Variants in CLEC6A observed in about 807,000 individuals in gnomAD.
CLEC6A encodes C-type lectin domain containing 6A.
CLEC6A carries 22 observed loss-of-function variants against 25.7 expected under a neutral mutation model. The observed-to-expected ratio is 0.85, with a 90% CI of 0.61 to 1.22. CLEC6A has a LOEUF of 1.22. Among genes scored for constraint, CLEC6A ranks in the 50% most tolerant of loss-of-function variants. The pLI, the probability that CLEC6A is intolerant of heterozygous loss-of-function variation, is 0.00. For missense variants in CLEC6A, 240 were observed against 236.8 expected, an observed-to-expected ratio of 1.01 and a Z score of -0.09; for synonymous variants, 92 against 76.7, an observed-to-expected ratio of 1.20 and a Z score of -1.04.
chr12:8,456,947 TA>T (rs1337053931), intron 1 of CLEC6A, among the ~76,000 whole-genome samples: 1 of 152,058 alleles, frequency 6.6e-6, no homozygotes, highest in South Asian at 2.1e-4. Context: ...CCGTCTCTAA[TA>T]AAAAGACAAA....
intron 3 of CLEC6A, among the ~76,000 whole-genome samples, chr12:8,464,897 G>A (rs1191220331): frequency 1.3e-5 from 2 of 152,154 alleles, no homozygotes; most frequent in African/African-American, 4.8e-5. Context: ...ATTATTCTAT[G>A]TTAAGCACCT....
chr12:8,457,272 C>T (rs1565480958), intron 1 of CLEC6A, among the ~76,000 whole-genome samples: 1 of 152,176 alleles, frequency 6.6e-6, no homozygotes, highest in Non-Finnish European at 1.5e-5. Context: ...CTATTCACTA[C>T]CTCCATGAGA....
chr12:8,470,649 G>T (rs1016843396), intron 4 of CLEC6A, among the ~76,000 whole-genome samples: 2 of 152,078 alleles, frequency 1.3e-5, no homozygotes, highest in African/African-American at 4.8e-5. Context: ...ACTCAGGAAT[G>T]GAAAACCAAA....
chr12:8,459,749 C>A, intron 3 of CLEC6A, 51 bp downstream of exon 3: 2 of 1,129,544 alleles, frequency 1.8e-6, no homozygotes, highest in South Asian at 1.2e-5. Context: ...AGGGAGAGAT[C>A]AGGGTTGAGC....
Position 8,456,054 on chromosome 12 carries a change from C to T in CLEC6A, c.-58C>T. 1.3e-6 allele frequency: 2 copies of T among 1,574,952 alleles called. No individual in the cohort carries two copies. On this transcript the variant is annotated 5_prime_UTR_variant, in exon 1 of 6. Transcript: ENST00000382073. ...ATGAAGCTGAGTCTCTGGGCAACAT[C>T]TTTAGGGAGAGAGGTACAAAAGGTT... is the stretch of plus-strand genomic sequence containing the variant.
At chr12:8,464,320 T>G (rs1168133995) in intron 3 of CLEC6A, among the ~76,000 whole-genome samples, 1 of 56,514 alleles carries the variant, frequency 1.8e-5, no homozygotes, top group African/African-American at 4.8e-5. Flanking sequence ...CTGTTTAAAA[T>G]TTCTTTCTTT....
At chr12:8,473,699 T>C (rs1939936131) in intron 4 of CLEC6A, among the ~76,000 whole-genome samples, 1 of 152,202 alleles carries the variant, frequency 6.6e-6, no homozygotes, top group African/African-American at 2.4e-5. Flanking sequence ...ACCAGCAATG[T>C]ATGTAAGTGT....
intron 3 of CLEC6A, among the ~76,000 whole-genome samples, chr12:8,461,514 CT>C (rs1269243711): frequency 6.6e-6 from 1 of 152,130 alleles, no homozygotes; most frequent in Non-Finnish European, 1.5e-5. Context: ...CATTTGCCCC[CT>C]AAGTATATCC....
At chr12:8,458,071 G>T in intron 2 of CLEC6A, 84 bp downstream of exon 2, 1 of 934,998 alleles carries the variant, frequency 1.1e-6, no homozygotes, top group Non-Finnish European at 1.7e-6. Context: ...ATTCTCCTTT[G>T]CCCCATTAAT....
At chr12:8,461,613 A>G (rs921486768) in intron 3 of CLEC6A, among the ~76,000 whole-genome samples, 5 of 152,258 alleles carry the variant, frequency 3.3e-5, no homozygotes, top group African/African-American at 1.2e-4. Flanking sequence ...TTTGTATAAT[A>G]CCATGTCAGC....
chr12:8,462,928 A>G (rs1245382327), intron 3 of CLEC6A, among the ~76,000 whole-genome samples: 2 of 152,220 alleles, frequency 1.3e-5, no homozygotes, highest in Non-Finnish European at 2.9e-5. Flanking sequence ...TTATCATGCT[A>G]TAGAAGCAAA....
At chr12:8,458,416 A>G (rs1273581368) in intron 2 of CLEC6A, among the ~76,000 whole-genome samples, 1 of 152,236 alleles carries the variant, frequency 6.6e-6, no homozygotes, top group African/African-American at 2.4e-5. Context: ...AGGAAAAAGT[A>G]TTCAAATGAA....
intron 4 of CLEC6A, among the ~76,000 whole-genome samples, chr12:8,473,768 T>C (rs1211411739): frequency 6.6e-6 from 1 of 152,210 alleles, no homozygotes; most frequent in Non-Finnish European, 1.5e-5. Flanking sequence ...GTAATAGCCA[T>C]ACTGACTGCT....
At position 8,465,628 on chromosome 12, in the gene CLEC6A, A is replaced by G; in HGVS notation, c.368A>G (p.Gln123Arg). The G allele has an allele frequency of 6.2e-7, 1 of 1,605,100 alleles. No individual in the cohort carries two copies. The highest frequency in any genetic ancestry group is 8.5e-7 in the Non-Finnish European group (1 of 1,176,644). The change falls in exon 4 of 6, where the codon CAG becomes CGG. Residue 123 changes from glutamine (Q) to arginine (R), a missense_variant and splice_region_variant. Gln to Arg is a conservative substitution (Grantham distance 43). Coordinates refer to ENST00000382073, the MANE Select transcript of CLEC6A (RefSeq NM_001007033.2). ...GTTGTGTTCAACACAGAAGCAGAGC[A>G]GGTACTGTTTCCATTTAAAATTTAT... ...HLVVFNTEAE[Q>R]NFIVQQLNES...
intron 3 of CLEC6A, chr12:8,460,991 C>T: frequency 8.2e-7 from 1 of 1,224,624 alleles, no homozygotes; most frequent in Non-Finnish European, 1.2e-6. Flanking sequence ...GGTGAAGATT[C>T]CACATAAAAA....
chr12:8,457,913 T>C lies in CLEC6A; in HGVS notation c.47T>C (p.Leu16Ser), dbSNP rs772564275. ...GATTGGACAGAGAAAAGAGGCTGGT[T>C]GTCCCTGAGACTCTGGTCTGTGGCT... is the stretch of plus-strand genomic sequence containing the variant. ...QPQSTEKRGW[L>S]SLRLWSVAGI... Residue 16 changes from leucine (L) to serine (S), a missense_variant, in exon 2 of 6, where the codon TTG becomes TCG. Transcript: ENST00000382073. 6 of 1,613,908 alleles carry C rather than the reference T, an allele frequency of 3.7e-6. No individual in the cohort carries two copies. The highest frequency in any genetic ancestry group is 5.1e-6 in the Non-Finnish European group (6 of 1,179,796).
At chr12:8,458,989 C>A (rs985611727) in intron 2 of CLEC6A, among the ~76,000 whole-genome samples, 2 of 152,090 alleles carry the variant, frequency 1.3e-5, no homozygotes, top group African/African-American at 4.8e-5. Flanking sequence ...TTTAAAGTTT[C>A]CCCTTGGTGG....
chr12:8,476,232 A>G lies in CLEC6A; in HGVS notation c.477A>G (p.Lys159=), dbSNP rs1939972823. Residue 159 remains lysine (K), a synonymous_variant, in exon 5 of 6, where the codon AAA becomes AAG. Transcript: ENST00000382073. ...GGATTGATAAGACACCTTATGAGAAAAATGTCAGGTGAGTGCAGTTCTGGG... is the reference window on the plus strand; with the variant it reads ...GGATTGATAAGACACCTTATGAGAAGAATGTCAGGTGAGTGCAGTTCTGGG... ...WQWIDKTPYE[K]NVRFWHLGEP... is the part of the protein sequence containing the mutation. 2.5e-6 allele frequency: 4 copies of G among 1,591,494 alleles called. No homozygotes were observed. Among genetic ancestry groups the G allele is most frequent in the Non-Finnish European group, 3.4e-6 (4 of 1,166,514 alleles).
intron 2 of CLEC6A, 121 bp from the exon 3 acceptor site, chr12:8,459,476 T>C (rs957316374): frequency 6.6e-6 from 4 of 608,158 alleles, no homozygotes; most frequent in Admixed American, 2.4e-5. Flanking sequence ...ATGGTTTTTA[T>C]GGGGCTTGCC....
Sources: allele counts gnomAD v4.1 joint callset (sites outside exome capture counted in the v4.1 genomes callset), GRCh38; gene constraint gnomAD v4.1.1; transcripts MANE v1.5; gene names NCBI Gene and HGNC (gene_info 2026-07-23, HGNC 2026-07-21).